Variants in GABBR2 observed in about 807,000 individuals in gnomAD.
GABBR2 encodes gamma-aminobutyric acid type B receptor subunit 2, also known as G-protein coupled receptor 51.
In GABBR2, 23 loss-of-function variants were observed where a neutral mutation model predicts 105.6. That is an observed-to-expected ratio of 0.22 (90% CI 0.16 to 0.31). GABBR2 has a LOEUF of 0.31. GABBR2 is among the 10% of genes least tolerant of loss of function. GABBR2 has a pLI of 1.00. For missense variants in GABBR2, 734 were observed against 1,245.5 expected (o/e 0.59, Z 6.18); for synonymous variants, 478 against 499.7 (o/e 0.96, Z 0.58).
intron 6 of GABBR2, among the ~76,000 whole-genome samples, chr9:98,461,251 T>A (rs1826419686): frequency 6.6e-6 from 1 of 152,034 alleles, no homozygotes; most frequent in African/African-American, 2.4e-5. Flanking sequence ...AAATGAAAAA[T>A]GACATCAGTG....
At chr9:98,432,383 G>A (rs1030086476) in intron 7 of GABBR2, among the ~76,000 whole-genome samples, 1 of 152,144 alleles carries the variant, frequency 6.6e-6, no homozygotes, top group Non-Finnish European at 1.5e-5. Flanking sequence ...GAAGATGATC[G>A]CTGTATATAT....
intron 8 of GABBR2, among the ~76,000 whole-genome samples, chr9:98,395,798 A>C (rs1011680803): frequency 2.0e-5 from 3 of 152,032 alleles, no homozygotes; most frequent in Admixed American, 2.0e-4. Context: ...GGATGGAGCA[A>C]GGGGCAGTGA....
At chr9:98,688,466 G>GATGAATA (rs1830647541) in intron 1 of GABBR2, among the ~76,000 whole-genome samples, 1 of 151,316 alleles carries the variant, frequency 6.6e-6, no homozygotes, top group African/African-American at 2.4e-5. Context: ...ATTACTTGCA[G>GATGAATA]ATGAATATCT....
chr9:98,555,962 C>T (rs765337353), intron 2 of GABBR2: 1 of 150,704 alleles, frequency 6.6e-6, no homozygotes, highest in African/African-American at 2.4e-5. Flanking sequence ...TCTATGAGCT[C>T]ATTGAGGGCT....
In GABBR2 at chr9:98,296,030, G is replaced by A. The variant is rs150878158; in HGVS notation, c.2543-2128C>T. The stretch of plus-strand genomic sequence containing the variant: ...ACCGCTACGGTGAATCAGCAGAATC[G>A]ACTGTATATCCATACTGCTATGGTC... On this transcript the variant is annotated intron_variant, in intron 17 of 18. Transcript: ENST00000259455. Among the ~76,000 whole-genome samples, 42 of 152,300 alleles carry A rather than the reference G, an allele frequency of 2.8e-4. No individual in the cohort carries two copies. In the East Asian group the frequency reaches 6.2e-3, roughly 22 times the overall value.
At chr9:98,598,436 A>C (rs1469235485) in intron 1 of GABBR2, among the ~76,000 whole-genome samples, 2 of 152,210 alleles carry the variant, frequency 1.3e-5, no homozygotes, top group Admixed American at 1.3e-4. Context: ...ATCGTGCATA[A>C]AGAAGAAAAC....
intron 8 of GABBR2, among the ~76,000 whole-genome samples, chr9:98,400,509 C>G (rs995273417): frequency 6.6e-6 from 1 of 152,164 alleles, no homozygotes; most frequent in African/African-American, 2.4e-5. Flanking sequence ...TCTGACTCAG[C>G]AATTCTGCTC....
intron 1 of GABBR2, among the ~76,000 whole-genome samples, chr9:98,647,511 G>T (rs983432157): frequency 2.6e-5 from 4 of 152,164 alleles, no homozygotes; most frequent in Non-Finnish European, 4.4e-5. Flanking sequence ...GTTCCATAAG[G>T]CTCTGACTCT....
intron 13 of GABBR2, among the ~76,000 whole-genome samples, chr9:98,347,288 G>T (rs1831318518): frequency 6.6e-6 from 1 of 152,216 alleles, no homozygotes; most frequent in Admixed American, 6.5e-5. Flanking sequence ...GGGGTGAGAT[G>T]ATACCTCACT....
At chr9:98,691,132 A>G (rs143466663) in intron 1 of GABBR2, among the ~76,000 whole-genome samples, 10 of 152,362 alleles carry the variant, frequency 6.6e-5, no homozygotes, top group African/African-American at 2.2e-4. Flanking sequence ...GATTGTTAAA[A>G]TTAGAATGAT....
intron 12 of GABBR2, among the ~76,000 whole-genome samples, chr9:98,369,140 G>A (rs2131457667): frequency 6.6e-6 from 1 of 152,354 alleles, no homozygotes; most frequent in East Asian, 1.9e-4. Flanking sequence ...AGCCACAGCT[G>A]AGGAACACTG....
At position 98,688,084 on chromosome 9, in the gene GABBR2, CATA is replaced by C. The variant is rs563195775; in HGVS notation, c.321+20330_321+20332del. ...CTCAGCTCCCCTGCCCTCCAGAGAT[CATA>C]ATGAGTCACAGTCAACAAGAGCCTC... On this transcript the variant is annotated intron_variant, in intron 1 of 18. Coordinates refer to ENST00000259455, the MANE Select transcript of GABBR2 (RefSeq NM_005458.8). Among the ~76,000 whole-genome samples the C allele has an allele frequency of 8.5e-5, 13 of 152,256 alleles. No homozygotes were observed. The South Asian group carries it at 2.1e-3, about 24-fold the overall frequency.
chr9:98,708,376 G>GC, intron 1 of GABBR2, 41 bp downstream of exon 1: 4 of 1,328,192 alleles, frequency 3.0e-6, no homozygotes. Flanking sequence ...CCACCCCAAT[G>GC]CCCCCCGAAG....
Position 98,617,879 on chromosome 9 carries a change from T to A in GABBR2, c.322-39807A>T, listed in dbSNP as rs375055119. Among the ~76,000 whole-genome samples, 7 of 152,192 alleles carry A rather than the reference T, an allele frequency of 4.6e-5. No homozygotes were observed. The East Asian group carries it at 1.2e-3, about 25-fold the overall frequency. On this transcript the variant is annotated intron_variant, in intron 1 of 18. Coordinates refer to ENST00000259455, the MANE Select transcript of GABBR2 (RefSeq NM_005458.8). ...AGCCAGACAGATCTGCACCCAGTGA[T>A]GCCCCCACTACCTGCAGTCTGTATG...
chr9:98,456,794 G>T (rs10818956), intron 6 of GABBR2, among the ~76,000 whole-genome samples: 86,048 of 152,076 alleles, frequency 0.57, 25,256 homozygotes, highest in East Asian at 0.67. Flanking sequence ...ATATATATCT[G>T]TTAAGAAAAA....
At chr9:98,460,716 A>G (rs1826409724) in intron 6 of GABBR2, among the ~76,000 whole-genome samples, 1 of 152,120 alleles carries the variant, frequency 6.6e-6, no homozygotes, top group African/African-American at 2.4e-5. Context: ...GAAAAGAGAG[A>G]CTAGACAGAA....
At chr9:98,442,194 T>G (rs1462855750) in intron 7 of GABBR2, among the ~76,000 whole-genome samples, 1 of 152,238 alleles carries the variant, frequency 6.6e-6, no homozygotes, top group African/African-American at 2.4e-5. Context: ...AAAGAGTCTC[T>G]TCCAGTGCTG....
At chr9:98,333,017 C>T (rs1299951520) in intron 13 of GABBR2, among the ~76,000 whole-genome samples, 2 of 152,132 alleles carry the variant, frequency 1.3e-5, no homozygotes, top group Non-Finnish European at 2.9e-5. Context: ...GATTCCTGAG[C>T]CAGGAACACG....
intron 1 of GABBR2, among the ~76,000 whole-genome samples, chr9:98,582,331 A>G (rs1031244612): frequency 6.6e-6 from 1 of 152,238 alleles, no homozygotes; most frequent in Admixed American, 6.5e-5. Context: ...GTGTCAAGAA[A>G]GCAGGGACCT....
Sources: allele counts gnomAD v4.1 joint callset (sites outside exome capture counted in the v4.1 genomes callset), GRCh38; gene constraint gnomAD v4.1.1; transcripts MANE v1.5; gene names NCBI Gene and HGNC (gene_info 2026-07-23, HGNC 2026-07-21).